Variants in CTNNA3 observed in about 807,000 individuals in gnomAD.
CTNNA3 encodes catenin alpha-3.
A neutral mutation model predicts 95.7 loss-of-function variants in CTNNA3; 76 were observed. The ratio of observed to expected loss-of-function variants is 0.79; its 90% CI spans 0.66 to 0.96. The LOEUF is 0.96. Ranked by LOEUF, CTNNA3 falls within the 40% of genes least tolerant of loss-of-function variation. The pLI is 0.00. For synonymous variants in CTNNA3, 431 were observed against 374.4 expected, an observed-to-expected ratio of 1.15 and a Z score of -1.74; for missense variants, 1,191 against 1,089.8, an observed-to-expected ratio of 1.09 and a Z score of -1.31.
At chr10:67,740,710 G>A (rs890916419) in intron 1 of CTNNA3, among the ~76,000 whole-genome samples, 26 of 151,420 alleles carry the variant, frequency 1.7e-4, no homozygotes, top group African/African-American at 6.0e-4. Flanking sequence ...CACTGTTGGT[G>A]GGACTGTAAA....
chr10:67,645,660 G>A (rs1199614538), intron 2 of CTNNA3, among the ~76,000 whole-genome samples: 2 of 151,686 alleles, frequency 1.3e-5, no homozygotes, highest in Non-Finnish European at 2.9e-5. Flanking sequence ...TAATTCTAGT[G>A]AAATAATACA....
chr10:66,384,497 C>A (rs2092871971), intron 11 of CTNNA3, among the ~76,000 whole-genome samples: 1 of 152,072 alleles, frequency 6.6e-6, no homozygotes, highest in Non-Finnish European at 1.5e-5. Flanking sequence ...TAATGGGAGA[C>A]TTTAACACCC....
intron 5 of CTNNA3, among the ~76,000 whole-genome samples, chr10:67,480,078 T>A (rs1848161936): frequency 1.3e-5 from 2 of 151,096 alleles, no homozygotes; most frequent in Non-Finnish European, 3.0e-5. Context: ...GTTCCAAAAT[T>A]GAACCAGTAA....
intron 13 of CTNNA3, among the ~76,000 whole-genome samples, chr10:66,178,121 C>A (rs2085817929): frequency 6.6e-6 from 1 of 151,268 alleles, no homozygotes; most frequent in African/African-American, 2.4e-5. Flanking sequence ...ATCCTTTTTT[C>A]AACTTTTCCA....
intron 1 of CTNNA3, among the ~76,000 whole-genome samples, chr10:67,676,257 A>G (rs926299614): frequency 5.9e-5 from 9 of 152,172 alleles, no homozygotes; most frequent in Non-Finnish European, 1.3e-4. Flanking sequence ...TAAGCAGTAT[A>G]GGTATATTCA....
intron 13 of CTNNA3, among the ~76,000 whole-genome samples, chr10:66,163,072 GC>G (rs1347839438): frequency 2.6e-5 from 4 of 152,086 alleles, no homozygotes; most frequent in Non-Finnish European, 5.9e-5. Flanking sequence ...CCCTGCAACA[GC>G]CCCAAGTCTG....
At chr10:66,065,289 TG>T (rs2080291467) in intron 15 of CTNNA3, among the ~76,000 whole-genome samples, 1 of 152,024 alleles carries the variant, frequency 6.6e-6, no homozygotes, top group Admixed American at 6.6e-5. Context: ...ATCTCATTTT[TG>T]GCTATAGCTT....
At chr10:66,000,329 T>A (rs1049166448) in intron 15 of CTNNA3, among the ~76,000 whole-genome samples, 6 of 152,130 alleles carry the variant, frequency 3.9e-5, no homozygotes, top group African/African-American at 1.4e-4. Flanking sequence ...CTCTTTTGAT[T>A]AAAACGAGAA....
At chr10:66,459,848 G>A (rs1236403565) in intron 11 of CTNNA3, among the ~76,000 whole-genome samples, 1 of 151,976 alleles carries the variant, frequency 6.6e-6, no homozygotes, top group Non-Finnish European at 1.5e-5. Flanking sequence ...TTCCATCATT[G>A]ACTTAAACAC....
intron 7 of CTNNA3, among the ~76,000 whole-genome samples, chr10:66,900,995 A>G (rs1055409206): frequency 6.6e-6 from 1 of 152,262 alleles, no homozygotes; most frequent in African/African-American, 2.4e-5. Context: ...CTAGCAAAGC[A>G]GGCCAACATT....
intron 9 of CTNNA3, among the ~76,000 whole-genome samples, chr10:66,727,863 G>C (rs1311039454): frequency 6.6e-6 from 1 of 152,058 alleles, no homozygotes; most frequent in East Asian, 1.9e-4. Context: ...ATGGTGTAAG[G>C]TTTTATACAC....
intron 11 of CTNNA3, among the ~76,000 whole-genome samples, chr10:66,440,004 A>T (rs2093364562): frequency 6.6e-6 from 1 of 152,170 alleles, no homozygotes; most frequent in Non-Finnish European, 1.5e-5. Context: ...ACAATCCTTT[A>T]TAACCTCAGG....
At chr10:65,990,646 C>T (rs7921038) in intron 15 of CTNNA3, among the ~76,000 whole-genome samples, 36,160 of 150,594 alleles carry the variant, frequency 0.24, 5,181 homozygotes, top group African/African-American at 0.4. Context: ...ATTAGAGAAA[C>T]AGTTTGCAAA....
intron 12 of CTNNA3, among the ~76,000 whole-genome samples, chr10:66,298,683 C>T (rs2091817994): frequency 1.3e-5 from 2 of 152,124 alleles, no homozygotes; most frequent in South Asian, 4.1e-4. Context: ...TCTTCTCCTT[C>T]CCCATAGTAT....
intron 5 of CTNNA3, among the ~76,000 whole-genome samples, chr10:67,498,122 G>A (rs1333765976): frequency 1.3e-5 from 2 of 152,152 alleles, no homozygotes; most frequent in Admixed American, 6.5e-5. Context: ...TAAGGTGTAA[G>A]GAAGGGGTCC....
chr10:66,383,390 T>C (rs900389421), intron 11 of CTNNA3, among the ~76,000 whole-genome samples: 1 of 152,062 alleles, frequency 6.6e-6, no homozygotes, highest in African/African-American at 2.4e-5. Context: ...AAGACAAGGT[T>C]AGACAAAAAA....
At position 65,920,599 on chromosome 10, in the gene CTNNA3, G is replaced by C. The variant is rs1307444147; in HGVS notation, c.2419C>G (p.Leu807Val). Reference sequence around the variant, plus strand: ...ATTAAATTTTTGGCTGCTTGGATCAGGGATGTGACACTGTCCAACTGTAGG... The same window carrying C: ...ATTAAATTTTTGGCTGCTTGGATCACGGATGTGACACTGTCCAACTGTAGG... ...IMSALDSVTS[L>V]IQAAKNLMNA... Residue 807 changes from leucine to valine, a missense_variant, in exon 18 of 18, where the codon CTG (leucine) becomes GTG (valine). Physicochemically the swap from Leu to Val is conservative, Grantham distance 32. Coordinates refer to ENST00000433211, the MANE Select transcript of CTNNA3 (RefSeq NM_013266.4). 6.2e-7 allele frequency: 1 copy of C among 1,613,864 alleles called. No homozygotes were observed. The highest frequency in any genetic ancestry group is 1.1e-5 in the South Asian group (1 of 91,082).
At chr10:66,639,230 C>T (rs1845436960) in intron 9 of CTNNA3, among the ~76,000 whole-genome samples, 1 of 152,004 alleles carries the variant, frequency 6.6e-6, no homozygotes, top group Non-Finnish European at 1.5e-5. Flanking sequence ...ATAATTGCTT[C>T]TCCAGTTAAA....
intron 13 of CTNNA3, among the ~76,000 whole-genome samples, chr10:66,125,451 T>A (rs1005250966): frequency 2.0e-5 from 3 of 152,092 alleles, no homozygotes; most frequent in African/African-American, 7.2e-5. Context: ...CTCAGTTTTT[T>A]AAGAAAAGTA....
Sources: allele counts gnomAD v4.1 joint callset (sites outside exome capture counted in the v4.1 genomes callset), GRCh38; gene constraint gnomAD v4.1.1; transcripts MANE v1.5; gene names NCBI Gene and HGNC (gene_info 2026-07-23, HGNC 2026-07-21).